CEP290: variants seen among roughly 807,000 people sequenced by gnomAD.
The protein encoded by CEP290 is centrosomal protein of 290 kDa.
In CEP290, 317 loss-of-function variants were observed where a neutral mutation model predicts 344.9. That is an observed-to-expected ratio of 0.92 (90% confidence interval 0.84 to 1.01). The LOEUF (loss-of-function observed/expected upper bound fraction) is 1.01. CEP290 is among the 50% of genes least tolerant of loss of function. CEP290 has a pLI of 0.00. For synonymous variants in CEP290, 932 were observed against 895.8 expected, an observed-to-expected ratio of 1.04 and a Z score of -0.72; for missense variants, 2,754 against 2,761.4, an observed-to-expected ratio of 1.00 and a Z score of 0.06.
intron 25 of CEP290, 44 bp from the exon 26 acceptor site, chr12:88,103,055 T>C (rs959720795): frequency 7.5e-7 from 1 of 1,340,786 alleles, no homozygotes; most frequent in Non-Finnish European, 9.8e-7. Flanking sequence ...TGTCTTTTTT[T>C]CTGGTCAAGC....
At chr12:88,080,460 C>CAAAAAA in intron 37 of CEP290, 65 bp from the exon 38 acceptor site, 3 of 1,183,354 alleles carry the variant, frequency 2.5e-6, no homozygotes, top group Non-Finnish European at 3.6e-6. Context: ...GACCCAGTCT[C>CAAAAAA]ACTCTGTCAC....
intron 25 of CEP290, 54 bp downstream of exon 25, chr12:88,106,621 T>C (rs1336526913): frequency 2.3e-5 from 27 of 1,154,570 alleles, no homozygotes; most frequent in Non-Finnish European, 2.9e-5. Context: ...TCCTATCTTC[T>C]GCATATTTGA....
chr12:88,140,909 G>A lies in CEP290; in HGVS notation c.180+47C>T. The A allele has an allele frequency of 3.9e-6, 5 of 1,274,628 alleles. No homozygotes were observed. The African/African-American group carries it at 4.6e-5, about 12-fold the overall frequency. The allele number at this position is 1,274,628 out of a possible 1,614,324, so 79.0% of individuals were successfully genotyped here. A position where few individuals can be genotyped will look rare whatever the true frequency, so the allele number is the denominator to read the frequency against. On this transcript the variant is annotated intron_variant, in intron 3 of 53. Coordinates refer to ENST00000552810, the MANE Select transcript of CEP290 (RefSeq NM_025114.4). ...CCTTATATAAGAACAGATTTTTATA[G>A]TTCCACTAATAGCCAAACCTATAGT... is the stretch of plus-strand genomic sequence containing the variant.
rs778508890 is a variant in CEP290, at chr12:88,093,802, G to A, written c.3277C>T (p.Arg1093Cys). The A allele has an allele frequency of 2.6e-5, 42 of 1,610,764 alleles. No homozygotes were observed. In the Admixed American group the frequency reaches 3.7e-4, roughly 14 times the overall value. The change falls in exon 28 of 54, where the codon CGT becomes TGT. Residue 1093 changes from arginine to cysteine, a missense_variant. By Grantham distance (180) the Arg-to-Cys change is radical (BLOSUM62 -3). Transcript: ENST00000552810. ...AATTTGGTTTCCAATTCAAAATTAC[G>A]TTCCTCCATTTGCTTTAACGAAGTC... ...LRTSLKQMEE[R>C]NFELETKFAE...
chr12:88,050,514 CAG>C (rs2033395117), intron 52 of CEP290, 81 bp from the exon 53 acceptor site: 1 of 630,444 alleles, frequency 1.6e-6, no homozygotes, highest in Non-Finnish European at 2.7e-6. Flanking sequence ...TTCTAGAGAA[CAG>C]AGATACATTT....
intron 12 of CEP290, among the ~76,000 whole-genome samples, chr12:88,125,950 T>C (rs907004759): frequency 1.3e-5 from 2 of 152,164 alleles, no homozygotes; most frequent in Middle Eastern, 6.8e-3. Flanking sequence ...TCACATTGTA[T>C]AGGGTATGTT....
intron 25 of CEP290, among the ~76,000 whole-genome samples, chr12:88,105,222 A>G (rs1270121468): frequency 1.3e-5 from 2 of 152,222 alleles, no homozygotes; most frequent in Non-Finnish European, 2.9e-5. Flanking sequence ...AGACTAATGA[A>G]TTTTTGTCAA....
At chr12:88,119,551 C>T (rs189053941) in intron 15 of CEP290, among the ~76,000 whole-genome samples, 7 of 152,268 alleles carry the variant, frequency 4.6e-5, no homozygotes, top group Non-Finnish European at 1.0e-4. Context: ...ATTATCCCAG[C>T]ACTTTGGGAG....
intron 35 of CEP290, 137 bp downstream of exon 35, chr12:88,084,449 A>G (rs2036423475): frequency 1.2e-6 from 1 of 804,790 alleles, no homozygotes; most frequent in Non-Finnish European, 1.9e-6. Context: ...GTGTAATCCA[A>G]TCACATGCAA....
intron 3 of CEP290, among the ~76,000 whole-genome samples, chr12:88,139,900 C>G (rs2040549081): frequency 1.3e-5 from 2 of 151,918 alleles, no homozygotes; most frequent in African/African-American, 4.8e-5. Context: ...GGCGTGCCAT[C>G]ATGCTTGGTG....
chr12:88,108,961 G>GGAA, intron 23 of CEP290, 105 bp downstream of exon 23: 1 of 484,404 alleles, frequency 2.1e-6, no homozygotes, highest in East Asian at 3.7e-5. Flanking sequence ...CAATTGCAAA[G>GGAA]GAAGAAGAAG....
At position 88,106,999 on chromosome 12, in the gene CEP290, A is replaced by G. The variant is rs775402106; in HGVS notation, c.2583T>C (p.Tyr861=). 2.6e-6 allele frequency: 4 copies of G among 1,542,854 alleles called. No homozygotes were observed. The South Asian group carries it at 4.9e-5, about 19-fold the overall frequency. Residue 861 remains tyrosine (Y), a synonymous_variant, in exon 24 of 54, where the codon TAT becomes TAC. Transcript: ENST00000552810. ...ATGTTAAAAATGTTTTACTTACATT[A>G]TATTCTTTTACTTTTATAGCATCTT... The part of the protein sequence containing the change: ...VQQDAIKVKE[Y]NNLLNALQMD...
At chr12:88,119,087 G>A (rs1285672013) in intron 15 of CEP290, among the ~76,000 whole-genome samples, 1 of 138,406 alleles carries the variant, frequency 7.2e-6, no homozygotes, top group Non-Finnish European at 1.5e-5. Context: ...AGTCCAAGTT[G>A]ATCAGAAGGC....
chr12:88,111,500 T>C (rs1423955504), intron 21 of CEP290, 149 bp from the exon 22 acceptor site: 1 of 906,194 alleles, frequency 1.1e-6, no homozygotes. Flanking sequence ...TTTAGAATTT[T>C]TGTATTCTTT....
intron 46 of CEP290, 96 bp downstream of exon 46, chr12:88,062,596 A>G: frequency 1.4e-6 from 1 of 731,152 alleles, no homozygotes; most frequent in Middle Eastern, 2.4e-4. Context: ...GGGCACTTGT[A>G]GAGGCATATC....
intron 41 of CEP290, among the ~76,000 whole-genome samples, chr12:88,074,458 T>C (rs1322796758): frequency 2.0e-5 from 3 of 152,138 alleles, no homozygotes; most frequent in Non-Finnish European, 4.4e-5. Context: ...GAAAGAACAA[T>C]TGAAAAACAG....
At chr12:88,053,593 A>G in intron 52 of CEP290, 59 bp downstream of exon 52, 2 of 795,170 alleles carry the variant, frequency 2.5e-6, no homozygotes, top group African/African-American at 1.8e-5. Context: ...AAAAAAAAAA[A>G]AGGCAAACCC....
intron 28 of CEP290, 190 bp downstream of exon 28, chr12:88,093,580 C>T: frequency 4.0e-6 from 2 of 505,868 alleles, no homozygotes; most frequent in East Asian, 6.5e-5. Context: ...GTGAGAAAAA[C>T]TTACAGAAAT....
At position 88,071,836 on chromosome 12, in the gene CEP290, C is replaced by T. The variant is rs755115313; in HGVS notation, c.5800G>A (p.Gly1934Arg). 6.2e-7 allele frequency: 1 copy of T among 1,604,302 alleles called. No individual in the cohort carries two copies. Among genetic ancestry groups the T allele is most frequent in the Non-Finnish European group, 8.5e-7 (1 of 1,176,276 alleles). The part of the protein sequence containing the change: ...GIRNKLKEKE[G>R]EVFTLTKQLN... ...TGCTTTGTTAAAGTAAAGACTTCCC[C>T]CTCTTTCTCTTTTAACTTGTTTCGA... The change falls in exon 42 of 54, where the codon GGG becomes AGG. Residue 1934 changes from glycine to arginine, a missense_variant. Physicochemically the swap from Gly to Arg is moderately radical, Grantham distance 125. Transcript: ENST00000552810.
Sources: gnomAD v4.1 joint callset for allele counts (sites outside exome capture counted in the v4.1 genomes callset) on GRCh38, gnomAD v4.1.1 for gene constraint, MANE v1.5 for transcripts, NCBI Gene and HGNC (gene_info 2026-07-23, HGNC 2026-07-21) for gene names.